AGBL4: variants seen among roughly 807,000 people sequenced by gnomAD.
AGBL4 encodes cytosolic carboxypeptidase 6.
Under a neutral mutation model 66.4 loss-of-function variants are expected in AGBL4, and 58 were observed. The observed-to-expected ratio is 0.87, with a 90% CI of 0.71 to 1.09. AGBL4 has a LOEUF of 1.09. AGBL4 is among the 50% of genes least tolerant of loss of function. The pLI, the probability that AGBL4 is intolerant of heterozygous loss-of-function variation, is 0.00. For missense variants in AGBL4, 579 were observed against 631.0 expected (o/e 0.92, Z 0.88); for synonymous variants, 234 against 222.9 (o/e 1.05, Z -0.44).
intron 3 of AGBL4, among the ~76,000 whole-genome samples, chr1:49,368,495 C>A (rs1644282259): frequency 6.6e-6 from 1 of 151,874 alleles, no homozygotes; most frequent in African/African-American, 2.4e-5. Flanking sequence ...ATTTTTTTTA[C>A]AGATTAAAGT....
intron 2 of AGBL4, among the ~76,000 whole-genome samples, chr1:49,774,049 G>C (rs540511903): frequency 6.6e-6 from 1 of 152,356 alleles, no homozygotes; most frequent in Non-Finnish European, 1.5e-5. Context: ...ACACACTCCA[G>C]ATGTAGGTCC....
At chr1:48,629,538 A>G (rs1258204728) in intron 9 of AGBL4, among the ~76,000 whole-genome samples, 2 of 152,172 alleles carry the variant, frequency 1.3e-5, no homozygotes. Flanking sequence ...GCTCCCAAAC[A>G]AGACATGGTT....
At chr1:48,867,122 T>G in intron 6 of AGBL4, 69 bp downstream of exon 6, 1 of 1,541,598 alleles carries the variant, frequency 6.5e-7, no homozygotes, top group Non-Finnish European at 8.9e-7. Flanking sequence ...GAATTGCATT[T>G]GGATAGGCAA....
At chr1:49,518,463 T>C (rs1010901550) in intron 3 of AGBL4, among the ~76,000 whole-genome samples, 2 of 151,880 alleles carry the variant, frequency 1.3e-5, no homozygotes, top group Non-Finnish European at 2.9e-5. Context: ...TCTTGTACCA[T>C]GAGTTTGTAA....
At chr1:48,967,706 C>T (rs963384163) in intron 5 of AGBL4, among the ~76,000 whole-genome samples, 1 of 152,084 alleles carries the variant, frequency 6.6e-6, no homozygotes, top group African/African-American at 2.4e-5. Flanking sequence ...GGTAGAAAGG[C>T]AGGATAGACA....
intron 3 of AGBL4, among the ~76,000 whole-genome samples, chr1:49,340,201 T>G (rs936337505): frequency 5.0e-5 from 7 of 139,674 alleles, no homozygotes; most frequent in African/African-American, 8.3e-5. Context: ...TTAGTACGTT[T>G]GTAAATTCTC....
At chr1:49,737,513 T>C (rs542818491) in intron 2 of AGBL4, among the ~76,000 whole-genome samples, 116 of 152,212 alleles carry the variant, frequency 7.6e-4, no homozygotes, top group African/African-American at 2.6e-3. Context: ...GGAAAATAGA[T>C]ACTGGAGACT....
rs1647015130 is a variant in AGBL4 at position 48,850,744 on chromosome 1, T to C, written c.634+16447A>G. Among the ~76,000 whole-genome samples, 4 of 152,286 alleles carry C rather than the reference T, an allele frequency of 2.6e-5. No homozygotes were observed. The South Asian group carries it at 8.3e-4, about 32-fold the overall frequency. On this transcript the variant is annotated intron_variant, in intron 6 of 13. Coordinates refer to ENST00000371839, the MANE Select transcript of AGBL4 (RefSeq NM_032785.4). The stretch of plus-strand genomic sequence containing the variant: ...GTTGCCCAGGCTGATCTCAAACTCC[T>C]GGGCTCAAGCGATCTGCCCGCCTCA...
intron 3 of AGBL4, among the ~76,000 whole-genome samples, chr1:49,343,851 A>G (rs377262727): frequency 2.6e-5 from 4 of 152,216 alleles, no homozygotes; most frequent in African/African-American, 9.6e-5. Context: ...TGGGAAAAAT[A>G]TAAACCTTAA....
intron 1 of AGBL4, among the ~76,000 whole-genome samples, chr1:49,935,457 T>C (rs970410952): frequency 6.6e-6 from 1 of 152,198 alleles, no homozygotes; most frequent in Non-Finnish European, 1.5e-5. Flanking sequence ...TAAATGTCCC[T>C]GTCTGACAGC....
At chr1:48,569,202 C>G (rs1644522194) in intron 11 of AGBL4, among the ~76,000 whole-genome samples, 1 of 152,206 alleles carries the variant, frequency 6.6e-6, no homozygotes, top group African/African-American at 2.4e-5. Context: ...ATCATCCATA[C>G]TTGTGGTTGC....
At chr1:49,353,997 A>G (rs999370564) in intron 3 of AGBL4, among the ~76,000 whole-genome samples, 5 of 152,206 alleles carry the variant, frequency 3.3e-5, no homozygotes, top group African/African-American at 1.2e-4. Context: ...TGGATACAAA[A>G]AAAAGACCCA....
intron 6 of AGBL4, among the ~76,000 whole-genome samples, chr1:48,813,236 A>G (rs1646097984): frequency 6.6e-6 from 1 of 152,178 alleles, no homozygotes; most frequent in Non-Finnish European, 1.5e-5. Context: ...GTGGATTAGG[A>G]AGTTTCTAAA....
chr1:49,838,302 G>A (rs1282500028), intron 2 of AGBL4, among the ~76,000 whole-genome samples: 1 of 152,198 alleles, frequency 6.6e-6, no homozygotes, highest in African/African-American at 2.4e-5. Context: ...AGCCACTGCT[G>A]GAGATGCCAC....
chr1:48,576,790 T>G (rs1444807654), intron 11 of AGBL4, among the ~76,000 whole-genome samples: 6 of 152,224 alleles, frequency 3.9e-5, no homozygotes, highest in Admixed American at 3.9e-4. Flanking sequence ...AATCTATTTC[T>G]GTGAATGCAG....
intron 3 of AGBL4, among the ~76,000 whole-genome samples, chr1:49,286,605 G>A (rs374208150): frequency 5.7e-4 from 86 of 151,882 alleles, no homozygotes; most frequent in East Asian, 9.7e-4. Flanking sequence ...GTGAACTCCC[G>A]TTCACAATTG....
chr1:49,242,932 G>C (rs1236394034), intron 4 of AGBL4, among the ~76,000 whole-genome samples: 1 of 151,428 alleles, frequency 6.6e-6, no homozygotes, highest in African/African-American at 2.4e-5. Flanking sequence ...TGAAGGCCTT[G>C]GTACCTGTTA....
At chr1:49,551,034 T>A (rs1452199322) in intron 3 of AGBL4, among the ~76,000 whole-genome samples, 1 of 152,182 alleles carries the variant, frequency 6.6e-6, no homozygotes, top group Non-Finnish European at 1.5e-5. Flanking sequence ...ATTGGGTTAA[T>A]TAAAAGAGCT....
At chr1:49,151,268 C>CAA (rs1206937422) in intron 4 of AGBL4, among the ~76,000 whole-genome samples, 264 of 126,606 alleles carry the variant, frequency 2.1e-3, no homozygotes, top group African/African-American at 5.3e-3. Flanking sequence ...GACTCCGTCT[C>CAA]AAAAAAAAAA....
Sources: allele counts gnomAD v4.1 joint callset (sites outside exome capture counted in the v4.1 genomes callset), GRCh38; gene constraint gnomAD v4.1.1; transcripts MANE v1.5; gene names NCBI Gene and HGNC (gene_info 2026-07-23, HGNC 2026-07-21).